PHIP: variants seen among roughly 807,000 people sequenced by gnomAD.
PHIP encodes PH-interacting protein.
A neutral mutation model predicts 236.8 loss-of-function variants in PHIP; 54 were observed. That is an observed-to-expected ratio of 0.23 (90% confidence interval 0.18 to 0.29). The LOEUF (loss-of-function observed/expected upper bound fraction) is 0.29, where lower values mean the gene tolerates loss of function less well. Ranked by LOEUF, PHIP falls within the 10% of genes least tolerant of loss-of-function variation. The probability of loss-of-function intolerance (pLI) is 1.00; values close to 1 mark genes in which losing one functional copy is unlikely to be tolerated. For synonymous variants in PHIP, 756 were observed against 718.9 expected, an observed-to-expected ratio of 1.05 and a Z score of -0.83; for missense variants, 1,370 against 2,190.8, an observed-to-expected ratio of 0.63 and a Z score of 7.48.
At position 78,955,650 on chromosome 6, in the gene PHIP, TA is replaced by T; in HGVS notation, c.3814del (p.Tyr1272IlefsTer4). On this transcript the variant is annotated frameshift_variant, in exon 33 of 40. Coordinates refer to ENST00000275034, the MANE Select transcript of PHIP (RefSeq NM_017934.7). LOFTEE classifies it high-confidence loss of function. ...DQTCYNIIPL[Y>X]NSMKKKVLSD... ...CAAAACTTTCTTCTTCATTGAATTA[TA>T]AAGTGGAATTATGTTATAACAAGTC... is the stretch of plus-strand genomic sequence containing the variant. 9.1e-7 allele frequency: 1 copy of T among 1,097,900 alleles called. No homozygotes were observed. Among genetic ancestry groups the T allele is most frequent in the Non-Finnish European group, 1.4e-6 (1 of 725,838 alleles). 68.0% of individuals were successfully genotyped at this position (1,097,900 alleles called of 1,614,324 possible). A position where few individuals can be genotyped will look rare whatever the true frequency, so the allele number is the denominator to read the frequency against.
chr6:79,019,467 T>G (rs1054890487), intron 9 of PHIP, among the ~76,000 whole-genome samples: 2 of 152,068 alleles, frequency 1.3e-5, no homozygotes, highest in Non-Finnish European at 2.9e-5. Flanking sequence ...ATGTTCTCAG[T>G]TTTTCATATA....
intron 4 of PHIP, among the ~76,000 whole-genome samples, chr6:79,072,654 T>A (rs1355301163): frequency 6.6e-6 from 1 of 152,000 alleles, no homozygotes; most frequent in Non-Finnish European, 1.5e-5. Context: ...TGGCTAATTT[T>A]TTTTTTTAGT....
chr6:78,984,006 T>C (rs906874359), intron 22 of PHIP, among the ~76,000 whole-genome samples: 5 of 152,188 alleles, frequency 3.3e-5, no homozygotes, highest in African/African-American at 1.2e-4. Flanking sequence ...AGTTATACTA[T>C]GTTAAAAGCA....
Position 79,077,702 on chromosome 6 carries a change from C to A in PHIP, c.127G>T (p.Glu43Ter). The A allele has an allele frequency of 9.9e-7, 1 of 1,011,390 alleles. No homozygotes were observed. Among genetic ancestry groups the A allele is most frequent in the Non-Finnish European group, 1.2e-6 (1 of 848,524 alleles). The allele number at this position is 1,011,390 out of a possible 1,614,324, so 62.7% of individuals were successfully genotyped here. A position where few individuals can be genotyped will look rare whatever the true frequency, so the allele number is the denominator to read the frequency against. Residue 43 changes from glutamate to a stop codon, truncating the protein, a stop_gained and splice_region_variant, in exon 3 of 40, where the codon GAG becomes TAG. Transcript: ENST00000275034. LOFTEE classifies it high-confidence loss of function. ...CGCCGGGCCGCCGCCGCCCTTACCT[C>A]CTTCTCGGCCACCTCGCGGATCAGC... ...QVLIREVAEK[E>*]LLPRRTDWTG...
rs567934598 is a variant in PHIP, at chr6:78,992,784, C to T, written c.2202-1799G>A. 1.4e-3 allele frequency among the ~76,000 whole-genome samples: 216 copies of T among 152,266 alleles called. 1 individual carries two copies. Among genetic ancestry groups the T allele is most frequent in the African/African-American group, 5.1e-3 (211 of 41,558 alleles). On this transcript the variant is annotated intron_variant, in intron 19 of 39. Coordinates refer to ENST00000275034, the MANE Select transcript of PHIP (RefSeq NM_017934.7). ...AGCCATTGCCCCATCTTCTCCCTCT[C>T]CTCAGGCCTCACTATTCCCTGAGAC...
chr6:78,949,090 T>TGTC (rs2127684983), intron 35 of PHIP, among the ~76,000 whole-genome samples: 1 of 152,346 alleles, frequency 6.6e-6, no homozygotes, highest in Non-Finnish European at 1.5e-5. Flanking sequence ...GCACTCAGTC[T>TGTC]GTCACCAGTA....
intron 37 of PHIP, 142 bp downstream of exon 37, chr6:78,946,569 T>A: frequency 7.2e-7 from 1 of 1,392,566 alleles, no homozygotes; most frequent in Non-Finnish European, 9.3e-7. Flanking sequence ...AGATTAAAAA[T>A]CCTCCACATC....
intron 24 of PHIP, 34 bp from the exon 25 acceptor site, chr6:78,970,922 T>C: frequency 7.0e-7 from 1 of 1,438,710 alleles, no homozygotes; most frequent in Non-Finnish European, 9.6e-7. Context: ...ACAACCTGGA[T>C]GTGTTTCCTT....
intron 15 of PHIP, among the ~76,000 whole-genome samples, chr6:79,011,623 C>G (rs150862551): frequency 1.3e-5 from 2 of 151,812 alleles, no homozygotes; most frequent in East Asian, 3.9e-4. Context: ...CACCCACTCC[C>G]CAACTGCTTT....
chr6:78,999,856 T>G (rs919968389), intron 17 of PHIP, among the ~76,000 whole-genome samples: 24 of 152,114 alleles, frequency 1.6e-4, no homozygotes, highest in African/African-American at 5.5e-4. Context: ...GTCACCAAAG[T>G]AGAAGTAGTA....
chr6:79,076,701 A>G lies in PHIP; in HGVS notation c.189+747T>C, dbSNP rs1459655244. 1.3e-5 allele frequency among the ~76,000 whole-genome samples: 2 copies of G among 152,174 alleles called. 1 individual carries two copies. Among genetic ancestry groups the G allele is most frequent in the African/African-American group, 4.8e-5 (2 of 41,426 alleles). ...ATGTGGACAAAAATCAAAACTCTTC[A>G]GTGTACTCCAATAATAATTTTTAAT... On this transcript the variant is annotated intron_variant, in intron 4 of 39. Coordinates refer to ENST00000275034, the MANE Select transcript of PHIP (RefSeq NM_017934.7).
intron 3 of PHIP, 89 bp from the exon 4 acceptor site, chr6:79,077,596 C>T (rs1458498935): frequency 9.0e-6 from 8 of 892,548 alleles, no homozygotes; most frequent in Non-Finnish European, 1.1e-5. Context: ...CGGCGGGGAC[C>T]CCGAGCCCCG....
At chr6:79,041,027 TAAAAG>T (rs1309958713) in intron 7 of PHIP, among the ~76,000 whole-genome samples, 1 of 152,102 alleles carries the variant, frequency 6.6e-6, no homozygotes, top group African/African-American at 2.4e-5. Context: ...CACATGCCCT[TAAAAG>T]AAAGAATCAA....
intron 19 of PHIP, among the ~76,000 whole-genome samples, chr6:78,995,279 G>A (rs1175582773): frequency 6.6e-6 from 1 of 152,052 alleles, no homozygotes; most frequent in East Asian, 1.9e-4. Flanking sequence ...AATACATCTG[G>A]GTATCTTTCT....
In PHIP at chr6:78,970,873, G is replaced by C. The variant is rs1273551976; in HGVS notation, c.2905C>G (p.Gln969Glu). The C allele has an allele frequency of 6.2e-7, 1 of 1,604,304 alleles. No homozygotes were observed. Among genetic ancestry groups the C allele is most frequent in the African/African-American group, 1.3e-5 (1 of 74,338 alleles). ...QMGDEVYYFR[Q>E]GHEAYVEMAR... ...ATTTCGACATAGGCTTCATGTCCTT[G>C]TCGGAAATAATAAACCTAAAAAATA... The change falls in exon 25 of 40, where the codon CAA (glutamine) becomes GAA (glutamate). Residue 969 changes from glutamine (Q) to glutamate (E), a missense_variant. Gln to Glu is a conservative substitution (Grantham distance 29). Around this residue, in one of 14 missense-constraint regions of PHIP, gnomAD observed 238 missense variants for 398.5 expected, o/e 0.60. Coordinates refer to ENST00000275034, the MANE Select transcript of PHIP (RefSeq NM_017934.7).
chr6:79,039,987 T>A (rs1308857612), intron 7 of PHIP, among the ~76,000 whole-genome samples: 4 of 152,178 alleles, frequency 2.6e-5, no homozygotes, highest in African/African-American at 9.6e-5. Context: ...AATTTCATTA[T>A]CAATTACAAT....
chr6:78,978,660 A>G lies in PHIP; in HGVS notation c.2821T>C (p.Leu941=), dbSNP rs748714903. ...GTATCTGTAATCCATGTTGATGGCA[A>G]CCATTCTTCTAATGTCAAACCATTT... is the stretch of plus-strand genomic sequence containing the variant. ...TENGLTLEEW[L]PSTWITDTIP... is the part of the protein sequence containing the mutation. The change falls in exon 24 of 40, where the codon TTG becomes CTG. Residue 941 remains leucine, a synonymous_variant. Transcript: ENST00000275034. The G allele has an allele frequency of 5.0e-6, 8 of 1,597,442 alleles. No individual in the cohort carries two copies. The South Asian group carries it at 9.0e-5, about 18-fold the overall frequency.
At chr6:79,054,581 CCATATATT>C (rs1183501646) in intron 6 of PHIP, among the ~76,000 whole-genome samples, 1 of 150,742 alleles carries the variant, frequency 6.6e-6, no homozygotes. Context: ...GAAAAAAACC[CCATATATT>C]ATATCCTATA....
chr6:78,958,249 G>A (rs1020874148), intron 32 of PHIP: 19 of 356,856 alleles, frequency 5.3e-5, no homozygotes, highest in African/African-American at 2.7e-4. Context: ...ATGGTAATAC[G>A]ATTTTTATGA....
Sources: allele counts gnomAD v4.1 joint callset (sites outside exome capture counted in the v4.1 genomes callset), GRCh38; gene constraint gnomAD v4.1.1; regional missense constraint gnomAD v4.1.1; transcripts MANE v1.5; gene names NCBI Gene and HGNC (gene_info 2026-07-23, HGNC 2026-07-21).